CST7: variants seen among roughly 807,000 people sequenced by gnomAD.
The protein encoded by CST7 is cystatin F.
CST7 carries 15 observed loss-of-function variants against 13.1 expected under a neutral mutation model. The ratio of observed to expected loss-of-function variants is 1.14; its 90% CI spans 0.77 to 1.76. CST7 has a LOEUF of 1.76. Ranked by LOEUF, CST7 falls within the 40% of genes most tolerant of loss-of-function variation. CST7 has a pLI of 0.00. For missense variants in CST7, 193 were observed against 178.8 expected (o/e 1.08, Z -0.45); for synonymous variants, 75 against 66.9 (o/e 1.12, Z -0.59).
At position 24,957,161 on chromosome 20, in the gene CST7, G is replaced by A. The variant is rs992144785; in HGVS notation, c.71-126G>A. 52 of 966,670 alleles carry A rather than the reference G, an allele frequency of 5.4e-5. No homozygotes were observed. In the South Asian group the frequency reaches 7.4e-4, roughly 14 times the overall value. The allele number at this position is 966,670 out of a possible 1,614,324, so 59.9% of individuals were successfully genotyped here. A position where few individuals can be genotyped will look rare whatever the true frequency, so the allele number is the denominator to read the frequency against. On this transcript the variant is annotated intron_variant, in intron 1 of 3. Coordinates refer to ENST00000480798, the MANE Select transcript of CST7 (RefSeq NM_003650.4). ...GGTAGGTAAGAGGGGGAGCAGGTGAGGGGTGGGTAGGGCCAGGACACACAC... is the reference window on the plus strand; with the variant it reads ...GGTAGGTAAGAGGGGGAGCAGGTGAAGGGTGGGTAGGGCCAGGACACACAC...
chr20:24,955,280 TGGTAACACTGCA>T (rs1442502070), intron 1 of CST7, among the ~76,000 whole-genome samples: 1 of 152,146 alleles, frequency 6.6e-6, no homozygotes, highest in Non-Finnish European at 1.5e-5. Context: ...TCCTTCCTGA[TGGTAACACTGCA>T]GGTCCCAAGG....
chr20:24,958,413 C>A (rs2087873008), intron 2 of CST7, among the ~76,000 whole-genome samples: 1 of 152,096 alleles, frequency 6.6e-6, no homozygotes, highest in African/African-American at 2.4e-5. Flanking sequence ...CAACGTAATT[C>A]CCCTAAAGCT....
intron 1 of CST7, among the ~76,000 whole-genome samples, chr20:24,956,927 C>A (rs1490962578): frequency 7.6e-6 from 1 of 131,530 alleles, no homozygotes; most frequent in Non-Finnish European, 1.6e-5. Context: ...TTCATTGCAC[C>A]CCCTGGCACC....
intron 3 of CST7, 49 bp downstream of exon 3, chr20:24,959,093 A>G (rs550186726): frequency 7.1e-7 from 1 of 1,400,070 alleles, no homozygotes; most frequent in Non-Finnish European, 1.0e-6. Context: ...TCCCCAGCCC[A>G]CTCCCTCCCA....
At position 24,956,152 on chromosome 20, in the gene CST7, G is replaced by T. The variant is rs141846191; in HGVS notation, c.71-1135G>T. On this transcript the variant is annotated intron_variant, in intron 1 of 3. Coordinates refer to ENST00000480798, the MANE Select transcript of CST7 (RefSeq NM_003650.4). ...CCGGCGCTGCACCACCCAGCCTGGG[G>T]GTGCCACGTGGTGACCAGAAACCTC... 5.4e-3 allele frequency among the ~76,000 whole-genome samples: 827 copies of T among 152,312 alleles called. 6 individuals are homozygous for T. Among genetic ancestry groups the T allele is most frequent in the African/African-American group, 0.019 (771 of 41,566 alleles).
rs533301898 is a variant in CST7 at position 24,949,464 on chromosome 20, G to A, written c.-42G>A. 8.1e-6 allele frequency: 13 copies of A among 1,613,822 alleles called. No individual in the cohort carries two copies. In the East Asian group the frequency reaches 1.1e-4, roughly 14 times the overall value. ...CATGCTGCCTGAGAAGGCACTGCAC[G>A]GCCACCCCCAACTGCCCCGCACTGT... On this transcript the variant is annotated 5_prime_UTR_variant, in exon 1 of 4. Coordinates refer to ENST00000480798, the MANE Select transcript of CST7 (RefSeq NM_003650.4).
At chr20:24,953,405 GT>G (rs1362790240) in intron 1 of CST7, among the ~76,000 whole-genome samples, 6 of 152,184 alleles carry the variant, frequency 3.9e-5, no homozygotes, top group Admixed American at 6.5e-5. Context: ...CTGTTCCTCC[GT>G]GGGGGGTTTC....
intron 1 of CST7, among the ~76,000 whole-genome samples, chr20:24,951,508 T>C (rs868577909): frequency 6.6e-6 from 1 of 152,142 alleles, no homozygotes; most frequent in Admixed American, 6.5e-5. Context: ...GCCCCCAGTC[T>C]AGCAGCAAAA....
intron 1 of CST7, among the ~76,000 whole-genome samples, chr20:24,951,473 G>C (rs915652163): frequency 6.6e-6 from 1 of 152,192 alleles, no homozygotes; most frequent in South Asian, 2.1e-4. Context: ...TTCAGTCTTC[G>C]GCTGTATAGG....
chr20:24,958,481 A>G (rs547606636), intron 2 of CST7, among the ~76,000 whole-genome samples: 29 of 152,340 alleles, frequency 1.9e-4, no homozygotes, highest in African/African-American at 3.6e-4. Context: ...ATGAGAATGA[A>G]CAAGGCGGCT....
chr20:24,949,355 G>A lies in CST7; in HGVS notation c.-151G>A, dbSNP rs2122437640. On this transcript the variant is annotated 5_prime_UTR_variant, in exon 1 of 4. Coordinates refer to ENST00000480798, the MANE Select transcript of CST7 (RefSeq NM_003650.4). ...GTGCTGCCTGAGAAGGATTGGCACG[G>A]GCACAGACCACTGCCCCCACCTGCC... 1 of 1,557,098 alleles carries A rather than the reference G, an allele frequency of 6.4e-7. No homozygotes were observed. Among genetic ancestry groups the A allele is most frequent in the Non-Finnish European group, 8.7e-7 (1 of 1,150,156 alleles).
At chr20:24,957,013 G>GAGAACATGTTA (rs1376840131) in intron 1 of CST7, among the ~76,000 whole-genome samples, 4 of 9,072 alleles carry the variant, frequency 4.4e-4, no homozygotes, top group African/African-American at 5.5e-4. Context: ...GGGCAGGTGA[G>GAGAACATGTTA]GGGGGCAGGT....
Position 24,959,034 on chromosome 20 carries a change from C to A in CST7, c.350C>A (p.Thr117Asn). Residue 117 changes from threonine to asparagine, a missense_variant, in exon 3 of 4, where the codon ACC becomes AAC. By Grantham distance (65) the Thr-to-Asn change is moderately conservative. Transcript: ENST00000480798. The part of the protein sequence containing the change: ...LDDCDFQTNH[T>N]LKQTLSCYSE... The stretch of plus-strand genomic sequence containing the variant: ...GACTGTGACTTCCAAACCAACCACA[C>A]CTTGAAGCAGGTAAAGCAGCAGGCC... The A allele has an allele frequency of 6.2e-7, 1 of 1,613,172 alleles. No individual in the cohort carries two copies. The highest frequency in any genetic ancestry group is 8.5e-7 in the Non-Finnish European group (1 of 1,179,162).
At chr20:24,957,011 G>GACAGAGAACATGTT (rs2087859838) in intron 1 of CST7, among the ~76,000 whole-genome samples, 1 of 104,126 alleles carries the variant, frequency 9.6e-6, no homozygotes, top group African/African-American at 3.8e-5. Context: ...GGGGGCAGGT[G>GACAGAGAACATGTT]AGGGGGGCAG....
At chr20:24,958,272 A>T (rs1384814198) in intron 2 of CST7, among the ~76,000 whole-genome samples, 1 of 152,016 alleles carries the variant, frequency 6.6e-6, no homozygotes, top group Non-Finnish European at 1.5e-5. Context: ...GGGACAGGGG[A>T]TCTTCCCTGG....
In CST7 at chr20:24,959,856, C is replaced by T; in HGVS notation, c.*144C>T. The T allele has an allele frequency of 1.4e-6, 1 of 739,012 alleles. No individual in the cohort carries two copies. The highest frequency in any genetic ancestry group is 1.5e-5 in the South Asian group (1 of 65,046). The allele number at this position is 739,012 out of a possible 1,614,324, so 45.8% of individuals were successfully genotyped here. ...CGGGTGAAGTGCCACTGGGTCACCG[C>T]AGGGCAGCTGGAATGGCAGCATGGT... is the stretch of plus-strand genomic sequence containing the variant. On this transcript the variant is annotated 3_prime_UTR_variant, in exon 4 of 4. Transcript: ENST00000480798.
At chr20:24,957,521 G>T in intron 2 of CST7, 62 bp downstream of exon 2, 1 of 1,514,376 alleles carries the variant, frequency 6.6e-7, no homozygotes, top group Non-Finnish European at 9.1e-7. Flanking sequence ...CTGCTACAAC[G>T]CGACACCTAG....
At chr20:24,957,018 G>GTGGGTGGA (rs1171092975) in intron 1 of CST7, among the ~76,000 whole-genome samples, 8 of 2,824 alleles carry the variant, frequency 2.8e-3, no homozygotes, top group Non-Finnish European at 3.8e-3. Flanking sequence ...GGTGAGGGGG[G>GTGGGTGGA]CAGGTGAGGG....
intron 1 of CST7, among the ~76,000 whole-genome samples, 187 bp from the exon 2 acceptor site, chr20:24,957,093 GGGTGGGT>G (rs2087862552): frequency 1.1e-4 from 7 of 62,352 alleles, no homozygotes; most frequent in Non-Finnish European, 1.7e-4. Flanking sequence ...GGCAGGTTAG[GGGTGGGT>G]AGGGTGGGGG....
Sources: gnomAD v4.1 joint callset for allele counts (sites outside exome capture counted in the v4.1 genomes callset) on GRCh38, gnomAD v4.1.1 for gene constraint, MANE v1.5 for transcripts, NCBI Gene and HGNC (gene_info 2026-07-23, HGNC 2026-07-21) for gene names.